ALDH3B2: variants seen among roughly 807,000 people sequenced by gnomAD.
ALDH3B2 encodes the protein aldehyde dehydrogenase family 3 member B2.
ALDH3B2 carries 45 observed loss-of-function variants against 36.7 expected under a neutral mutation model. The ratio of observed to expected loss-of-function variants is 1.23; its 90% confidence interval spans 0.97 to 1.57. The LOEUF is 1.57. ALDH3B2 is among the 40% of genes most tolerant of loss of function. ALDH3B2 has a pLI of 0.00. For missense variants in ALDH3B2, 464 were observed against 513.3 expected (o/e 0.90, Z 0.93); for synonymous variants, 217 against 226.5 (o/e 0.96, Z 0.38).
At chr11:67,677,505 C>T (rs193038820), upstream of ALDH3B2, among the ~76,000 whole-genome samples, 99 of 152,086 alleles carry the variant, frequency 6.5e-4, no homozygotes, top group African/African-American at 1.8e-3. Flanking sequence ...TAATACTGAA[C>T]GGGAAAAAGT....
In ALDH3B2 at chr11:67,667,034, T is replaced by A. The variant is rs1173297795; in HGVS notation, c.-81-18A>T. ...AAAGCTGGCTGTGGTGGAGGTGGAA[T>A]TCAGAGTGGTCAGGCCCAGACCTGG... On this transcript the variant is annotated intron_variant, in intron 2 of 9. Coordinates refer to ENST00000349015, the Ensembl canonical transcript of ALDH3B2. 1 of 1,505,144 alleles carries A rather than the reference T, an allele frequency of 6.6e-7. No individual in the cohort carries two copies. Among genetic ancestry groups the A allele is most frequent in the Non-Finnish European group, 9.2e-7 (1 of 1,085,316 alleles). 93.2% of individuals were successfully genotyped at this position (1,505,144 alleles called of 1,614,324 possible). A position where few individuals can be genotyped will look rare whatever the true frequency, so the allele number is the denominator to read the frequency against.
intron 8 of ALDH3B2, among the ~76,000 whole-genome samples, 194 bp from the exon 9 acceptor site, chr11:67,663,955 C>A (rs1258331938): frequency 6.6e-6 from 1 of 152,158 alleles, no homozygotes; most frequent in East Asian, 1.9e-4. Flanking sequence ...GGGGTGATTA[C>A]CACCATGGCG....
intron 8 of ALDH3B2, among the ~76,000 whole-genome samples, 183 bp from the exon 9 acceptor site, chr11:67,663,944 G>A (rs1039257720): frequency 1.3e-5 from 2 of 152,150 alleles, no homozygotes; most frequent in African/African-American, 4.8e-5. Flanking sequence ...GGGGTGCCAT[G>A]GGGGTGATTA....
At chr11:67,675,660 C>T (rs185449392), upstream of ALDH3B2, among the ~76,000 whole-genome samples, 125 of 152,290 alleles carry the variant, frequency 8.2e-4, no homozygotes, top group African/African-American at 2.7e-3. Flanking sequence ...CTGGAATCTT[C>T]GGTAGCTAAA....
At chr11:67,669,605 A>G (rs12577903) in intron 1 of ALDH3B2, among the ~76,000 whole-genome samples, 126,659 of 147,670 alleles carry the variant, frequency 0.86, 54,672 homozygotes, top group South Asian at 0.96. Flanking sequence ...GTCCATGTGT[A>G]TCTGTGTATG....
At chr11:67,662,888 C>T (rs1201031276) in exon 10 of ALDH3B2, 15 of 350,026 alleles carry the variant, frequency 4.3e-5, no homozygotes, top group Non-Finnish European at 2.6e-5. Flanking sequence ...AGGCAGGGCA[C>T]TGTATTTTCC....
chr11:67,663,485 G>A (rs1856589155), intron 9 of ALDH3B2, 86 bp from the exon 10 acceptor site: 1 of 1,499,404 alleles, frequency 6.7e-7, no homozygotes, highest in Non-Finnish European at 9.1e-7. Flanking sequence ...AGGGCACACA[G>A]CTGGCAGGGA....
At position 67,667,457 on chromosome 11, in the gene ALDH3B2, A is replaced by G; in HGVS notation, c.-82+16T>C. On this transcript the variant is annotated intron_variant, in intron 2 of 9. Transcript: ENST00000349015. ...GCTGCTCCAGCCCCTGCCGGGGCCC[A>G]CTCTCCACGGCCCACCTTATGCAGG... is the stretch of plus-strand genomic sequence containing the variant. 1 of 370,918 alleles carries G rather than the reference A, an allele frequency of 2.7e-6. No individual in the cohort carries two copies. The highest frequency in any genetic ancestry group is 5.0e-6 in the Non-Finnish European group (1 of 199,296). 23.0% of individuals were successfully genotyped at this position (370,918 alleles called of 1,614,324 possible). A position where few individuals can be genotyped will look rare whatever the true frequency, so the allele number is the denominator to read the frequency against.
At chr11:67,674,861 G>T (rs982322821), upstream of ALDH3B2, 1 of 152,188 alleles carries the variant, frequency 6.6e-6, no homozygotes, top group Non-Finnish European at 1.5e-5. Context: ...GGAGTTACCT[G>T]ATCAGGAAAA....
chr11:67,676,073 C>G (rs1468585941), upstream of ALDH3B2, among the ~76,000 whole-genome samples: 1 of 152,130 alleles, frequency 6.6e-6, no homozygotes, highest in African/African-American at 2.4e-5. Context: ...TGGTGAAACC[C>G]TGTCTCTACT....
chr11:67,665,177 A>C, intron 7 of ALDH3B2, 108 bp downstream of exon 7: 1 of 1,504,800 alleles, frequency 6.6e-7, no homozygotes, highest in South Asian at 1.3e-5. Context: ...GGGCTCTGAT[A>C]GTGGGGCCGG....
At chr11:67,671,548 C>T (rs35431164) in intron 1 of ALDH3B2, among the ~76,000 whole-genome samples, 118,385 of 139,186 alleles carry the variant, frequency 0.85, 49,699 homozygotes, top group South Asian at 0.95. Flanking sequence ...CCTCCCCCCC[C>T]TTTTTTTTTT....
intron 7 of ALDH3B2, among the ~76,000 whole-genome samples, chr11:67,664,838 C>A (rs894974230): frequency 5.3e-5 from 8 of 152,224 alleles, no homozygotes; most frequent in African/African-American, 1.9e-4. Flanking sequence ...GATCTTAGAA[C>A]CTTGGAGTTC....
chr11:67,665,798 GA>G, intron 6 of ALDH3B2, 127 bp from the exon 7 acceptor site: 7 of 1,379,250 alleles, frequency 5.1e-6, no homozygotes, highest in Non-Finnish European at 6.9e-6. Flanking sequence ...ATGGTGAGGA[GA>G]CCCCATCCTC....
exon 10 of ALDH3B2, chr11:67,663,000 C>G: frequency 1.6e-6 from 1 of 607,070 alleles, no homozygotes; most frequent in Non-Finnish European, 2.8e-6. Context: ...CTGGCATGTT[C>G]TGCGGCCTCT....
Position 67,673,165 on chromosome 11 carries a change from C to T in ALDH3B2, c.-245+1272G>A, listed in dbSNP as rs938830808. ...CAGGATGGTCTCGATCTCCTGACAT[C>T]GTGATCCGCCCGCCTCGGCCTCCCA... On this transcript the variant is annotated intron_variant, in intron 1 of 9. Coordinates refer to ENST00000349015, the Ensembl canonical transcript of ALDH3B2. Among the ~76,000 whole-genome samples the T allele has an allele frequency of 4.6e-5, 7 of 151,038 alleles. No individual in the cohort carries two copies. The South Asian group carries it at 1.3e-3, about 27-fold the overall frequency.
intron 1 of ALDH3B2, among the ~76,000 whole-genome samples, chr11:67,668,583 T>C (rs1466644405): frequency 6.6e-6 from 1 of 152,118 alleles, no homozygotes; most frequent in East Asian, 1.9e-4. Context: ...TGTGTGTTTC[T>C]TTGTGTCTGT....
upstream of ALDH3B2, among the ~76,000 whole-genome samples, chr11:67,676,012 G>A (rs1440067826): frequency 3.3e-5 from 5 of 152,182 alleles, no homozygotes; most frequent in Non-Finnish European, 5.9e-5. Context: ...TTGGGAGGCC[G>A]AAGCTGGTGG....
upstream of ALDH3B2, among the ~76,000 whole-genome samples, chr11:67,676,978 A>T (rs1856284740): frequency 6.6e-6 from 1 of 152,180 alleles, no homozygotes; most frequent in African/African-American, 2.4e-5. Context: ...CCAACAAAAA[A>T]AAAGTCCAGG....
Sources: gnomAD v4.1 joint callset for allele counts (sites outside exome capture counted in the v4.1 genomes callset) on GRCh38, gnomAD v4.1.1 for gene constraint, MANE v1.5 for transcripts, NCBI Gene and HGNC (gene_info 2026-07-23, HGNC 2026-07-21) for gene names.